CDH13: variants seen among roughly 807,000 people sequenced by gnomAD.
CDH13 encodes cadherin 13.
In CDH13, 24 loss-of-function variants were observed where a neutral mutation model predicts 63.8. The ratio of observed to expected loss-of-function variants is 0.38; its 90% confidence interval spans 0.27 to 0.53. The LOEUF is 0.53. Among genes scored for constraint, CDH13 ranks in the 20% least tolerant of loss-of-function variants. CDH13 has a pLI of 0.85. For missense variants in CDH13, 1,049 were observed against 903.1 expected (o/e 1.16, Z -2.07); for synonymous variants, 503 against 355.3 (o/e 1.42, Z -4.67).
At chr16:82,699,743 T>G (rs2030760115) in intron 1 of CDH13, among the ~76,000 whole-genome samples, 1 of 152,064 alleles carries the variant, frequency 6.6e-6, no homozygotes, top group Non-Finnish European at 1.5e-5. Flanking sequence ...ATCCAAACAG[T>G]GCCACAGAAC....
intron 6 of CDH13, among the ~76,000 whole-genome samples, chr16:83,419,198 G>C (rs1215608327): frequency 6.6e-6 from 1 of 152,070 alleles, no homozygotes; most frequent in Non-Finnish European, 1.5e-5. Flanking sequence ...CGTGCCCCCT[G>C]CCTCTGTAAC....
chr16:82,703,567 T>C (rs1439313894), intron 1 of CDH13, among the ~76,000 whole-genome samples: 2 of 152,140 alleles, frequency 1.3e-5, no homozygotes, highest in African/African-American at 4.8e-5. Flanking sequence ...TGATAATGCT[T>C]TACTGGCTTT....
chr16:82,937,955 A>G (rs778502613), intron 2 of CDH13, among the ~76,000 whole-genome samples: 3 of 152,224 alleles, frequency 2.0e-5, no homozygotes, highest in African/African-American at 4.8e-5. Context: ...CAAATGTAAC[A>G]CTTAATTTAC....
chr16:82,870,113 C>G (rs1345962654), intron 2 of CDH13, among the ~76,000 whole-genome samples: 1 of 151,154 alleles, frequency 6.6e-6, no homozygotes, highest in Non-Finnish European at 1.5e-5. Flanking sequence ...ATAAGGAAGT[C>G]AAACAACTCA....
chr16:83,320,229 A>G (rs1259917638), intron 5 of CDH13, among the ~76,000 whole-genome samples: 1 of 150,458 alleles, frequency 6.6e-6, no homozygotes, highest in Non-Finnish European at 1.5e-5. Flanking sequence ...TTTTTTTGGT[A>G]GAAACAGGGT....
At chr16:82,851,352 T>C (rs1477614768) in intron 1 of CDH13, among the ~76,000 whole-genome samples, 1 of 151,390 alleles carries the variant, frequency 6.6e-6, no homozygotes. Context: ...GGAGAATTGC[T>C]TGAACCCTGG....
At chr16:82,972,106 G>C (rs1597330568) in intron 2 of CDH13, among the ~76,000 whole-genome samples, 1 of 152,034 alleles carries the variant, frequency 6.6e-6, no homozygotes, top group Non-Finnish European at 1.5e-5. Flanking sequence ...AGCAGTGTAG[G>C]GTGAGGCTAA....
At chr16:83,662,836 T>A (rs1913566190) in intron 8 of CDH13, among the ~76,000 whole-genome samples, 1 of 152,004 alleles carries the variant, frequency 6.6e-6, no homozygotes, top group African/African-American at 2.4e-5. Context: ...GAAAATGAGG[T>A]TGTTGATGGG....
At chr16:83,325,563 A>G (rs1454348014) in intron 5 of CDH13, among the ~76,000 whole-genome samples, 2 of 152,180 alleles carry the variant, frequency 1.3e-5, no homozygotes, top group Non-Finnish European at 1.5e-5. Context: ...CAGTAGATAC[A>G]TGAATGAGCA....
intron 5 of CDH13, among the ~76,000 whole-genome samples, chr16:83,280,327 C>A (rs1270057571): frequency 1.3e-5 from 2 of 152,122 alleles, no homozygotes; most frequent in Non-Finnish European, 2.9e-5. Context: ...GAGTAGGTTC[C>A]ATCTTGAGAA....
At chr16:82,630,036 G>C (rs901258938) in intron 1 of CDH13, among the ~76,000 whole-genome samples, 4 of 152,174 alleles carry the variant, frequency 2.6e-5, no homozygotes, top group Non-Finnish European at 5.9e-5. Context: ...ATGTTCCATG[G>C]AATTCTGAGA....
intron 8 of CDH13, among the ~76,000 whole-genome samples, chr16:83,611,003 G>C (rs1470301080): frequency 6.6e-6 from 1 of 152,114 alleles, no homozygotes; most frequent in African/African-American, 2.4e-5. Context: ...CAATGTGTAT[G>C]TAGTGACATT....
chr16:83,130,043 C>T lies in CDH13; in HGVS notation c.483+4542C>T, dbSNP rs187797671. On this transcript the variant is annotated intron_variant, in intron 4 of 13. Transcript: ENST00000567109. ...ATTCAACCTAATTCATATCAACAAG[C>T]ATATATTCAGCATCTGTTTTTATAA... 2.6e-4 allele frequency among the ~76,000 whole-genome samples: 39 copies of T among 152,238 alleles called. 1 individual carries two copies. The highest frequency in any genetic ancestry group is 3.9e-4 in the Admixed American group (6 of 15,280).
At chr16:83,401,675 A>G (rs919882870) in intron 6 of CDH13, among the ~76,000 whole-genome samples, 3 of 152,162 alleles carry the variant, frequency 2.0e-5, no homozygotes, top group Non-Finnish European at 4.4e-5. Context: ...AAAGAGAAAA[A>G]AAATAGAGGC....
At chr16:82,691,391 A>G (rs1223282510) in intron 1 of CDH13, among the ~76,000 whole-genome samples, 1 of 152,168 alleles carries the variant, frequency 6.6e-6, no homozygotes, top group South Asian at 2.1e-4. Context: ...ATCCATACCC[A>G]GGAAAAATCT....
intron 6 of CDH13, among the ~76,000 whole-genome samples, chr16:83,394,827 A>T (rs148671097): frequency 6.6e-6 from 1 of 152,104 alleles, no homozygotes; most frequent in Non-Finnish European, 1.5e-5. Flanking sequence ...TTGCTGATGG[A>T]TGGTGTGTGT....
chr16:83,157,529 G>A (rs1316967284), intron 4 of CDH13, among the ~76,000 whole-genome samples: 1 of 152,098 alleles, frequency 6.6e-6, no homozygotes, highest in African/African-American at 2.4e-5. Flanking sequence ...ATCATTTAAG[G>A]GAACTAGAGC....
chr16:83,496,994 T>C (rs2074161443), intron 7 of CDH13, among the ~76,000 whole-genome samples: 1 of 152,174 alleles, frequency 6.6e-6, no homozygotes, highest in Non-Finnish European at 1.5e-5. Flanking sequence ...TGGCGATCAT[T>C]CAAATGTCAG....
chr16:83,754,917 C>A (rs527739188), intron 11 of CDH13, among the ~76,000 whole-genome samples: 3 of 152,166 alleles, frequency 2.0e-5, no homozygotes, highest in Admixed American at 1.3e-4. Flanking sequence ...TCATCTGGAG[C>A]CTCTCCAATC....
Sources: gnomAD v4.1 joint callset for allele counts (sites outside exome capture counted in the v4.1 genomes callset) on GRCh38, gnomAD v4.1.1 for gene constraint, MANE v1.5 for transcripts, NCBI Gene and HGNC (gene_info 2026-07-23, HGNC 2026-07-21) for gene names.